The following RGS12 variants were observed in gnomAD, a reference collection of about 807,000 sequenced individuals.
RGS12 encodes regulator of G protein signaling 12.
A neutral mutation model predicts 120.1 loss-of-function variants in RGS12; 66 were observed. That is an observed-to-expected ratio of 0.55 (90% confidence interval 0.45 to 0.67). The LOEUF (loss-of-function observed/expected upper bound fraction) is 0.67, where lower values mean the gene tolerates loss of function less well. RGS12 is among the 30% of genes least tolerant of loss of function. RGS12 has a pLI of 0.00. For synonymous variants in RGS12, 827 were observed against 804.7 expected (o/e 1.03, Z -0.47); for missense variants, 1,859 against 1,957.7 (o/e 0.95, Z 0.95).
chr4:3,435,476 G>T (rs549655906), intron 17 of RGS12, among the ~76,000 whole-genome samples: 2 of 152,194 alleles, frequency 1.3e-5, no homozygotes, highest in Non-Finnish European at 2.9e-5. Flanking sequence ...TCTCAGGCCT[G>T]CAAAGCTGCT....
rs773205792 is a variant in RGS12 at position 3,417,100 on chromosome 4, C to A, written c.2607+8C>A. ...GTGTCCACGCCAAAAAAGGTGACCT[C>A]CCCGAGGCTGGCCTCACGCCCCTGT... is the stretch of plus-strand genomic sequence containing the variant. On this transcript the variant is annotated splice_region_variant and intron_variant, in intron 8 of 17. Coordinates refer to ENST00000336727, the MANE Select transcript of RGS12 (RefSeq NM_001394154.1). 3.8e-6 allele frequency: 6 copies of A among 1,589,280 alleles called. No homozygotes were observed. In the Admixed American group the frequency reaches 1.0e-4, roughly 27 times the overall value.
intron 6 of RGS12, 63 bp downstream of exon 6, chr4:3,414,907 G>GA (rs1722174268): frequency 7.9e-7 from 1 of 1,272,654 alleles, no homozygotes; most frequent in African/African-American, 1.5e-5. Flanking sequence ...ACGCATGTGA[G>GA]GGGTGTGTGA....
chr4:3,332,835 A>G (rs1712012245), intron 2 of RGS12, among the ~76,000 whole-genome samples: 1 of 152,048 alleles, frequency 6.6e-6, no homozygotes, highest in Admixed American at 6.5e-5. Flanking sequence ...TTATATATGT[A>G]TATTTTTGAG....
intron 2 of RGS12, among the ~76,000 whole-genome samples, chr4:3,326,785 A>G (rs554051376): frequency 3.9e-5 from 6 of 152,362 alleles, no homozygotes; most frequent in African/African-American, 1.4e-4. Context: ...AAGGAAAACT[A>G]CAAAATACTG....
intron 10 of RGS12, 108 bp downstream of exon 10, chr4:3,420,826 C>G (rs1261923411): frequency 1.0e-6 from 1 of 982,808 alleles, no homozygotes; most frequent in East Asian, 2.6e-5. Context: ...TCAGCGTTCA[C>G]TTTGTAAAGC....
chr4:3,352,542 T>C (rs1268509733), intron 3 of RGS12, among the ~76,000 whole-genome samples: 3 of 152,212 alleles, frequency 2.0e-5, no homozygotes, highest in Non-Finnish European at 4.4e-5. Context: ...ATACACATTA[T>C]GGTAAACTAT....
intron 14 of RGS12, among the ~76,000 whole-genome samples, chr4:3,426,403 C>T (rs1426605579): frequency 1.3e-5 from 2 of 151,842 alleles, no homozygotes; most frequent in Non-Finnish European, 2.9e-5. Context: ...TGGTCTGGGC[C>T]CCCTGGTCCC....
rs748094964 is a variant in RGS12 at position 3,417,083 on chromosome 4, G to A, written c.2598G>A (p.Thr866=). 1.8e-5 allele frequency: 29 copies of A among 1,599,198 alleles called. No homozygotes were observed. Among genetic ancestry groups the A allele is most frequent in the Admixed American group, 6.8e-5 (4 of 59,068 alleles). The change falls in exon 8 of 18, where the codon ACG becomes ACA. Residue 866 remains threonine (T), a synonymous_variant. Transcript: ENST00000336727. The part of the protein sequence containing the change: ...SLGSDHSSVS[T]PKKLSGKSKS... The stretch of plus-strand genomic sequence containing the variant: ...GTTCAGACCACTCCAGTGTGTCCAC[G>A]CCAAAAAAGGTGACCTCCCCGAGGC...
intron 2 of RGS12, among the ~76,000 whole-genome samples, chr4:3,318,698 A>T (rs1724975022): frequency 6.6e-6 from 1 of 152,210 alleles, no homozygotes; most frequent in South Asian, 2.1e-4. Flanking sequence ...AGCAGGAAAG[A>T]GTAAATGAGC....
At chr4:3,379,005 ATGTGTGTGTGTGTG>A (rs3138719) in intron 3 of RGS12, among the ~76,000 whole-genome samples, 39 of 146,560 alleles carry the variant, frequency 2.7e-4, no homozygotes, top group South Asian at 2.4e-3. Context: ...GAAATGTGCG[ATGTGTGTGTGTGTG>A]TGTGTGTGTG....
At position 3,433,222 on chromosome 4, in the gene RGS12, G is replaced by A. The variant is rs1384813542; in HGVS notation, c.4114+2267G>A. Among the ~76,000 whole-genome samples the A allele has an allele frequency of 6.6e-6, 1 of 152,220 alleles. No homozygotes were observed. Among genetic ancestry groups the A allele is most frequent in the Non-Finnish European group, 1.5e-5 (1 of 68,022 alleles). On this transcript the variant is annotated intron_variant, in intron 17 of 17. Transcript: ENST00000336727. The surrounding 1 kb of genome is among the most constrained non-coding windows in gnomAD (Gnocchi z 4.4). ...TCTCCGACGTTGACAGTTGCTGTGG[G>A]ATGCTTCCTCACAATGTGGCAGCCG...
At chr4:3,418,686 A>T (rs539367385) in intron 9 of RGS12, 2 of 152,416 alleles carry the variant, frequency 1.3e-5, no homozygotes, top group Admixed American at 1.3e-4. Context: ...GCTTCTGGCC[A>T]TGCTGTGAGG....
chr4:3,355,435 A>T (rs1343058242), intron 3 of RGS12, among the ~76,000 whole-genome samples: 1 of 152,218 alleles, frequency 6.6e-6, no homozygotes, highest in Non-Finnish European at 1.5e-5. Flanking sequence ...GCTTGCAAAG[A>T]AGAAGTGAAA....
rs551148419 is a variant in RGS12, at chr4:3,343,456, T to G, written c.1998+403T>G. Among the ~76,000 whole-genome samples, 5 of 152,140 alleles carry G rather than the reference T, an allele frequency of 3.3e-5. No homozygotes were observed. The South Asian group carries it at 1.0e-3, about 32-fold the overall frequency. ...TCTTTTGTAAAGAACAATGAAAAGA[T>G]TTTATTTTTTATAGCAGTTTTAGGT... On this transcript the variant is annotated intron_variant, in intron 3 of 17. Coordinates refer to ENST00000336727, the MANE Select transcript of RGS12 (RefSeq NM_001394154.1).
At chr4:3,322,524 T>C (rs1161235401) in intron 2 of RGS12, among the ~76,000 whole-genome samples, 2 of 152,184 alleles carry the variant, frequency 1.3e-5, no homozygotes, top group Admixed American at 6.5e-5. Flanking sequence ...GATTGCCTTG[T>C]GTTTCATTTA....
chr4:3,424,889 C>T (rs1228400577), intron 13 of RGS12, among the ~76,000 whole-genome samples: 1 of 152,234 alleles, frequency 6.6e-6, no homozygotes, highest in African/African-American at 2.4e-5. Context: ...GAGCTTAGAG[C>T]CTCTCCCGCC....
At chr4:3,302,236 G>T (rs1251453616) in intron 1 of RGS12, among the ~76,000 whole-genome samples, 1 of 152,188 alleles carries the variant, frequency 6.6e-6, no homozygotes, top group Admixed American at 6.5e-5. Flanking sequence ...TGTGGCCTCC[G>T]TGTGTCCTGT....
At chr4:3,383,596 A>T (rs1370140764) in intron 3 of RGS12, among the ~76,000 whole-genome samples, 1 of 142,260 alleles carries the variant, frequency 7.0e-6, no homozygotes, top group Non-Finnish European at 1.5e-5. Context: ...ACAGAGCGAG[A>T]CTGTCAAAAA....
At chr4:3,308,232 A>T (rs1724077255) in intron 1 of RGS12, among the ~76,000 whole-genome samples, 1 of 152,246 alleles carries the variant, frequency 6.6e-6, no homozygotes, top group Admixed American at 6.5e-5. Flanking sequence ...TTTTGGCCAG[A>T]CAGGGCCGGT....
Sources: allele counts gnomAD v4.1 joint callset (sites outside exome capture counted in the v4.1 genomes callset), GRCh38; gene constraint gnomAD v4.1.1; non-coding constraint Gnocchi (gnomAD v3.1); transcripts MANE v1.5; gene names NCBI Gene and HGNC (gene_info 2026-07-23, HGNC 2026-07-21).